Variants in TEDC1 observed in about 807,000 individuals in gnomAD.
TEDC1 encodes the protein tubulin epsilon and delta complex 1.
Under a neutral mutation model 59.9 loss-of-function variants are expected in TEDC1, and 54 were observed. That is an observed-to-expected ratio of 0.90 (90% CI 0.72 to 1.13). TEDC1 has a LOEUF of 1.13. Among genes scored for constraint, TEDC1 ranks in the 50% most tolerant of loss-of-function variants. The probability of loss-of-function intolerance (pLI) is 0.00; values close to 1 mark genes in which losing one functional copy is unlikely to be tolerated. For synonymous variants in TEDC1, 353 were observed against 298.1 expected (o/e 1.18, Z -1.90); for missense variants, 734 against 683.4 (o/e 1.07, Z -0.83).
rs1353774608 is a variant in TEDC1 at position 105,491,492 on chromosome 14, C to T, written c.117C>T (p.Phe39=). 3.4e-5 allele frequency: 50 copies of T among 1,491,538 alleles called. No individual in the cohort carries two copies. Among genetic ancestry groups the T allele is most frequent in the Non-Finnish European group, 4.4e-5 (49 of 1,120,656 alleles). 92.4% of individuals were successfully genotyped at this position (1,491,538 alleles called of 1,614,324 possible). A position where few individuals can be genotyped will look rare whatever the true frequency, so the allele number is the denominator to read the frequency against. The change falls in exon 1 of 9, where the codon TTC becomes TTT. Residue 39 remains phenylalanine (F), a synonymous_variant. Coordinates refer to ENST00000392523, the MANE Select transcript of TEDC1 (RefSeq NM_001367178.1). ...CCTCGGGACCCAGCCCCGAGATCTT[C>T]CGCCGCGCCAAGTTCGACCGTCCGG... ...SLPSGPSPEI[F]RRAKFDRPEA...
intron 5 of TEDC1, 140 bp downstream of exon 5, chr14:105,494,073 A>G: frequency 2.9e-6 from 2 of 682,520 alleles, no homozygotes; most frequent in South Asian, 3.5e-5. Context: ...TCTGCCACTG[A>G]TCATTGCCAG....
upstream of TEDC1, chr14:105,491,225 G>C: frequency 6.5e-7 from 1 of 1,542,176 alleles, no homozygotes; most frequent in African/African-American, 1.4e-5. Flanking sequence ...GCTGGACCCG[G>C]CCCGTGCCAT....
intron 6 of TEDC1, chr14:105,496,916 G>A (rs1393406055): frequency 3.6e-5 from 8 of 223,610 alleles, no homozygotes; most frequent in Non-Finnish European, 6.1e-5. Flanking sequence ...TTGCTCCTTC[G>A]TTTGGGGCCT....
chr14:105,490,520 G>A (rs1336058116), upstream of TEDC1: 2 of 152,226 alleles, frequency 1.3e-5, no homozygotes, highest in Non-Finnish European at 2.9e-5. Context: ...CGGCTCAGCG[G>A]CGCCCGGGCA....
At position 105,491,657 on chromosome 14, in the gene TEDC1, C is replaced by T. The variant is rs1555439353; in HGVS notation, c.183C>T (p.Leu61=). The T allele has an allele frequency of 6.5e-6, 10 of 1,549,744 alleles. No homozygotes were observed. The East Asian group carries it at 2.2e-4, about 34-fold the overall frequency. Residue 61 remains leucine (L), a synonymous_variant, in exon 2 of 9, where the codon CTC becomes CTT. Coordinates refer to ENST00000392523, the MANE Select transcript of TEDC1 (RefSeq NM_001367178.1). The part of the protein sequence containing the change: ...SALWQLLFRV[L]SPLPAGNALA... The stretch of plus-strand genomic sequence containing the variant: ...TCTGGCAGCTCCTCTTCCGTGTGCT[C>T]TCGCCACTCCCTGCGGGCAACGCCT...
At chr14:105,492,845 T>C in intron 4 of TEDC1, 111 bp downstream of exon 4, 1 of 1,393,536 alleles carries the variant, frequency 7.2e-7, no homozygotes, top group South Asian at 1.4e-5. Context: ...TTTGGCTGGA[T>C]GTGGGCCTTC....
At chr14:105,494,482 C>G (rs1419393823) in intron 5 of TEDC1, 1 of 157,720 alleles carries the variant, frequency 6.3e-6, no homozygotes, top group Non-Finnish European at 1.4e-5. Context: ...CAGTCCCGTT[C>G]TGCTTGCTAC....
chr14:105,496,408 G>T (rs868933654), intron 6 of TEDC1: 1 of 337,356 alleles, frequency 3.0e-6, no homozygotes, highest in Non-Finnish European at 5.5e-6. Flanking sequence ...CCTCTGCTCT[G>T]CTCCGCCCCA....
In TEDC1 at chr14:105,491,392, AGCGGGTGGACCCC is replaced by A; in HGVS notation, c.22_34del (p.Val8LeufsTer15). The A allele has an allele frequency of 7.0e-7, 1 of 1,421,266 alleles. No homozygotes were observed. Among genetic ancestry groups the A allele is most frequent in the Non-Finnish European group, 9.1e-7 (1 of 1,097,004 alleles). 88.0% of individuals were successfully genotyped at this position (1,421,266 alleles called of 1,614,324 possible). A position where few individuals can be genotyped will look rare whatever the true frequency, so the allele number is the denominator to read the frequency against. ...GCTGGCTGCATGGGGAGGCGGCGGC[AGCGGGTGGACCCC>A]GCGGCTGGGGCCCGGGCCGGGGCCC... is the stretch of plus-strand genomic sequence containing the variant. On this transcript the variant is annotated frameshift_variant, in exon 1 of 9. Transcript: ENST00000392523. LOFTEE classifies it high-confidence loss of function.
rs979720591 is a variant in TEDC1 at position 105,499,167 on chromosome 14, G to C, written c.*221G>C. The C allele has an allele frequency of 8.4e-6, 5 of 592,348 alleles. No individual in the cohort carries two copies. The African/African-American group carries it at 9.3e-5, about 11-fold the overall frequency. The allele number at this position is 592,348 out of a possible 1,614,324, so 36.7% of individuals were successfully genotyped here. ...GAATGGCTGGTCCCTTGAGGAGGTC[G>C]TGACAGGCTCAGCCTGGTGGTCTGG... is the stretch of plus-strand genomic sequence containing the variant. On this transcript the variant is annotated 3_prime_UTR_variant, in exon 9 of 9. Coordinates refer to ENST00000392523, the MANE Select transcript of TEDC1 (RefSeq NM_001367178.1).
At position 105,497,377 on chromosome 14, in the gene TEDC1, T is replaced by C; in HGVS notation, c.912T>C (p.Arg304=). Residue 304 remains arginine (R), a synonymous_variant, in exon 7 of 9, where the codon CGT becomes CGC. Transcript: ENST00000392523. ...TCCAGCTGCTGCGGACTCTGGAGCG[T>C]GAGAACCAGCGCCTGGAGGCTGTCC... The part of the protein sequence containing the change: ...PFRALLRTLE[R]ENQRLEAVLA... 6.4e-7 allele frequency: 1 copy of C among 1,551,294 alleles called. No individual in the cohort carries two copies. Among genetic ancestry groups the C allele is most frequent in the Non-Finnish European group, 8.7e-7 (1 of 1,147,670 alleles).
chr14:105,496,364 C>T (rs1341492686), intron 6 of TEDC1: 7 of 475,522 alleles, frequency 1.5e-5, no homozygotes, highest in Non-Finnish European at 2.3e-5. Context: ...ACAGACCTCC[C>T]TGTCCTCATA....
Position 105,495,995 on chromosome 14 carries a change from G to A in TEDC1, c.800G>A (p.Cys267Tyr), listed in dbSNP as rs782366752. ...TTCTGGAATGATCTGTGGCTGGTATGTGAGCAGCCAGGTCTGCTGCCGGGT... is the reference window on the plus strand; with the variant it reads ...TTCTGGAATGATCTGTGGCTGGTATATGAGCAGCCAGGTCTGCTGCCGGGT... ...RTFWNDLWLV[C>Y]EQPGLLPGDW... Residue 267 changes from cysteine (C) to tyrosine (Y), a missense_variant, in exon 6 of 9, where the codon TGT becomes TAT. Coordinates refer to ENST00000392523, the MANE Select transcript of TEDC1 (RefSeq NM_001367178.1). 9 of 1,550,288 alleles carry A rather than the reference G, an allele frequency of 5.8e-6. No homozygotes were observed. In the South Asian group the frequency reaches 9.5e-5, roughly 16 times the overall value.
chr14:105,497,599 TG>T, intron 7 of TEDC1, 156 bp downstream of exon 7: 1 of 1,132,806 alleles, frequency 8.8e-7, no homozygotes, highest in Non-Finnish European at 1.2e-6. Flanking sequence ...ACTCGCCTTC[TG>T]GGGAGGCTCA....
In TEDC1 at chr14:105,498,937, T is replaced by C. The variant is rs782163979; in HGVS notation, c.1479T>C (p.Pro493=). 14 of 1,603,154 alleles carry C rather than the reference T, an allele frequency of 8.7e-6. No homozygotes were observed. Among genetic ancestry groups the C allele is most frequent in the African/African-American group, 4.0e-5 (3 of 74,784 alleles). ...CTGGTCTCATCTGGATCCCGCCACC[T>C]GGACGCTGAGGGCCTGTCGACGGGC... ...ARPGLIWIPP[P]GR The change falls in exon 9 of 9, where the codon CCT becomes CCC. Residue 493 remains proline, a synonymous_variant. Coordinates refer to ENST00000392523, the MANE Select transcript of TEDC1 (RefSeq NM_001367178.1).
In TEDC1 at chr14:105,497,835, C is replaced by T. The variant is rs1555440755; in HGVS notation, c.1016C>T (p.Ala339Val). 6.4e-7 allele frequency: 1 copy of T among 1,574,088 alleles called. No homozygotes were observed. Among genetic ancestry groups the T allele is most frequent in the South Asian group, 1.2e-5 (1 of 85,716 alleles). The change falls in exon 8 of 9, where the codon GCT becomes GTT. Residue 339 changes from alanine (A) to valine (V), a missense_variant. Coordinates refer to ENST00000392523, the MANE Select transcript of TEDC1 (RefSeq NM_001367178.1). ...VLGTCAPEVP[A>V]AASQPTFLPW... ...GGCACCTGTGCCCCGGAGGTGCCTG[C>T]TGCAGCCTCACAGCCCACCTTCCTG...
At chr14:105,497,678 G>GT (rs2084378415) in intron 7 of TEDC1, 120 bp from the exon 8 acceptor site, 71 of 1,310,294 alleles carry the variant, frequency 5.4e-5, no homozygotes, top group South Asian at 2.8e-4. Context: ...GGACGTCACA[G>GT]TTGCTGAGAT....
chr14:105,498,615 A>G lies in TEDC1; in HGVS notation c.1159-2A>G. On this transcript the variant is annotated splice_acceptor_variant, in intron 8 of 8. Transcript: ENST00000392523. LOFTEE classifies it high-confidence loss of function. ...GAGCCATTGCCATTGTGTCCCACGC[A>G]GGCTGGAGGCTGTGGACGGGGGCCA... is the stretch of plus-strand genomic sequence containing the variant. 1 of 1,537,262 alleles carries G rather than the reference A, an allele frequency of 6.5e-7. No homozygotes were observed. Among genetic ancestry groups the G allele is most frequent in the South Asian group, 1.2e-5 (1 of 81,868 alleles).
intron 2 of TEDC1, among the ~76,000 whole-genome samples, 191 bp from the exon 3 acceptor site, chr14:105,491,916 A>G (rs2084222049): frequency 6.6e-6 from 1 of 152,054 alleles, no homozygotes; most frequent in Non-Finnish European, 1.5e-5. Flanking sequence ...CTGCTCCTAC[A>G]AAGCCCTGGG....
Sources: allele counts gnomAD v4.1 joint callset (sites outside exome capture counted in the v4.1 genomes callset), GRCh38; gene constraint gnomAD v4.1.1; transcripts MANE v1.5; gene names NCBI Gene and HGNC (gene_info 2026-07-23, HGNC 2026-07-21).